Variants in PER3 observed in about 807,000 individuals in gnomAD.
The protein encoded by PER3 is period circadian regulator 3.
In PER3, 107 loss-of-function variants were observed where a neutral mutation model predicts 127.2. The observed-to-expected ratio is 0.84, with a 90% CI of 0.72 to 0.99. The LOEUF (loss-of-function observed/expected upper bound fraction) is 0.99, where lower values mean the gene tolerates loss of function less well. Ranked by LOEUF, PER3 falls within the 50% of genes least tolerant of loss-of-function variation. The pLI is 0.00. For missense variants in PER3, 1,560 were observed against 1,525.8 expected, an observed-to-expected ratio of 1.02 and a Z score of -0.37; for synonymous variants, 618 against 585.8, an observed-to-expected ratio of 1.05 and a Z score of -0.79.
intron 16 of PER3, among the ~76,000 whole-genome samples, chr1:7,821,707 T>C (rs762919856): frequency 1.6e-4 from 24 of 152,314 alleles, no homozygotes; most frequent in Non-Finnish European, 2.2e-4. Context: ...CTATATGCTT[T>C]AGGAAATTTT....
chr1:7,836,023 A>T, intron 20 of PER3, 78 bp downstream of exon 20: 1 of 981,262 alleles, frequency 1.0e-6, no homozygotes, highest in Non-Finnish European at 1.5e-6. Flanking sequence ...TTTGAGACGG[A>T]GTCTCGCCCT....
At chr1:7,825,442 G>A (rs774967369) in intron 16 of PER3, among the ~76,000 whole-genome samples, 29 of 152,320 alleles carry the variant, frequency 1.9e-4, no homozygotes, top group Non-Finnish European at 3.7e-4. Context: ...CCGCAGCAGT[G>A]TAGAAGTATG....
intron 21 of PER3, 132 bp downstream of exon 21, chr1:7,837,281 T>C (rs942291283): frequency 1.6e-5 from 10 of 634,732 alleles, no homozygotes; most frequent in East Asian, 5.5e-5. Flanking sequence ...GTAGGTGTTA[T>C]TATTCCCTCT....
chr1:7,831,737 C>T (rs1773138), intron 19 of PER3, among the ~76,000 whole-genome samples: 33,742 of 152,038 alleles, frequency 0.22, 4,348 homozygotes, highest in East Asian at 0.47. Flanking sequence ...ATTAACCTTG[C>T]ATTTGGTCAT....
intron 21 of PER3, among the ~76,000 whole-genome samples, chr1:7,837,600 T>C (rs2097364367): frequency 6.6e-6 from 1 of 152,234 alleles, no homozygotes; most frequent in Non-Finnish European, 1.5e-5. Flanking sequence ...AAGTGTCTTT[T>C]TGCTGTTATG....
intron 3 of PER3, among the ~76,000 whole-genome samples, chr1:7,786,170 G>T (rs549128956): frequency 8.2e-4 from 125 of 152,328 alleles, no homozygotes; most frequent in Admixed American, 8.5e-4. Context: ...CAGGAGAACG[G>T]CGTGAACCCG....
rs915834038 is a variant in PER3, at chr1:7,843,467, A to G, written c.*712A>G. ...CTTGTAAGTTTCAGTTAGCATTTGC[A>G]TGTGTAATATTAAAATGAAAGAGCT... On this transcript the variant is annotated 3_prime_UTR_variant, in exon 22 of 22. Transcript: ENST00000377532. 6.6e-6 allele frequency: 1 copy of G among 152,368 alleles called. No individual in the cohort carries two copies. Among genetic ancestry groups the G allele is most frequent in the South Asian group, 2.1e-4 (1 of 4,836 alleles). The allele number at this position is 152,368 out of a possible 1,614,324, so 9.4% of individuals were successfully genotyped here.
chr1:7,818,449 T>G (rs991580712), intron 13 of PER3, among the ~76,000 whole-genome samples: 1 of 152,192 alleles, frequency 6.6e-6, no homozygotes, highest in Non-Finnish European at 1.5e-5. Context: ...CTACAAAACT[T>G]CTCAGTAGTA....
chr1:7,819,552 C>A, intron 14 of PER3, 132 bp downstream of exon 14: 1 of 761,712 alleles, frequency 1.3e-6, no homozygotes. Context: ...ACGTTTATGG[C>A]GTGCCTAACA....
intron 21 of PER3, among the ~76,000 whole-genome samples, chr1:7,838,989 T>A (rs2097371096): frequency 6.7e-6 from 1 of 150,250 alleles, no homozygotes; most frequent in South Asian, 2.2e-4. Context: ...TGCTATTTGT[T>A]TTCTATGTGC....
chr1:7,799,610 C>CAA (rs759699006), intron 7 of PER3, among the ~76,000 whole-genome samples: 31 of 93,224 alleles, frequency 3.3e-4, no homozygotes, highest in African/African-American at 1.0e-3. Context: ...AACTCTGTCT[C>CAA]AAAAAAAAAA....
At chr1:7,806,812 A>AAAAAAAATAT (rs61141023) in intron 10 of PER3, among the ~76,000 whole-genome samples, 1 of 60,632 alleles carries the variant, frequency 1.6e-5, no homozygotes, top group African/African-American at 6.8e-5. Context: ...AAAAAAAAAA[A>AAAAAAAATAT]ATATATATAT....
In PER3 at chr1:7,843,892, T is replaced by G; in HGVS notation, c.*1137T>G. 7.9e-7 allele frequency: 1 copy of G among 1,263,006 alleles called. No individual in the cohort carries two copies. The highest frequency in any genetic ancestry group is 1.4e-5 in the South Asian group (1 of 73,300). 78.2% of individuals were successfully genotyped at this position (1,263,006 alleles called of 1,614,324 possible). ...GATAAATCAGCTCACTCTCTGGTGC[T>G]TTTTAGAGAAGTCCCTGATTCCTTC... On this transcript the variant is annotated 3_prime_UTR_variant, in exon 22 of 22. Transcript: ENST00000377532.
chr1:7,808,287 G>C (rs772961286), intron 10 of PER3, among the ~76,000 whole-genome samples: 40 of 135,866 alleles, frequency 2.9e-4, no homozygotes, highest in Admixed American at 7.8e-4. Context: ...CTGTCACATA[G>C]AAGGTCCCAA....
rs145415660 is a variant in PER3 at position 7,810,550 on chromosome 1, C to T, written c.1484C>T (p.Thr495Ile). 69 of 1,613,418 alleles carry T rather than the reference C, an allele frequency of 4.3e-5. No homozygotes were observed. Among genetic ancestry groups the T allele is most frequent in the Admixed American group, 6.7e-5 (4 of 59,844 alleles). ...SSFKPVTGTR[T>I]EPNGGGESAN... ...TTCAAGCCAGTGACGGGGACACGCA[C>T]AGAACCGAATGGTGGTGGTGAGTCA... is the stretch of plus-strand genomic sequence containing the variant. The change falls in exon 13 of 22, where the codon ACA (threonine) becomes ATA (isoleucine). Residue 495 changes from threonine (T) to isoleucine (I), a missense_variant. Thr to Ile is a moderately conservative substitution (Grantham distance 89). Around this residue, in one of 3 missense-constraint regions of PER3, gnomAD observed 1,332 missense variants for 1,223.6 expected, o/e 1.09. Coordinates refer to ENST00000377532, the MANE Select transcript of PER3 (RefSeq NM_001377275.1).
At chr1:7,823,313 C>T (rs1244114213) in intron 16 of PER3, among the ~76,000 whole-genome samples, 1 of 152,166 alleles carries the variant, frequency 6.6e-6, no homozygotes, top group East Asian at 1.9e-4. Flanking sequence ...GAAGACATAA[C>T]AGTCATAAAT....
At chr1:7,805,523 A>C (rs1333503366) in intron 10 of PER3, among the ~76,000 whole-genome samples, 1 of 152,166 alleles carries the variant, frequency 6.6e-6, no homozygotes, top group African/African-American at 2.4e-5. Context: ...TGGCCGCCCT[A>C]ACTCATGAGA....
At chr1:7,796,260 T>C (rs2097144746) in intron 6 of PER3, among the ~76,000 whole-genome samples, 1 of 151,946 alleles carries the variant, frequency 6.6e-6, no homozygotes, top group South Asian at 2.1e-4. Context: ...TGCTACAGGG[T>C]TATCATTGCA....
intron 19 of PER3, among the ~76,000 whole-genome samples, chr1:7,834,397 TA>T (rs1211218950): frequency 6.6e-6 from 1 of 152,226 alleles, no homozygotes; most frequent in Non-Finnish European, 1.5e-5. Flanking sequence ...ATAACATTGT[TA>T]TTATTTTTGC....
Sources: gnomAD v4.1 joint callset for allele counts (sites outside exome capture counted in the v4.1 genomes callset) on GRCh38, gnomAD v4.1.1 for gene constraint, gnomAD v4.1.1 regional missense constraint, MANE v1.5 for transcripts, NCBI Gene and HGNC (gene_info 2026-07-23, HGNC 2026-07-21) for gene names.